The following ENAH variants were observed in gnomAD, a reference collection of about 807,000 sequenced individuals.
The protein encoded by ENAH is ENAH actin regulator, also known as protein enabled homolog.
In ENAH, 23 loss-of-function variants were observed where a neutral mutation model predicts 78.7. The observed-to-expected ratio is 0.29, with a 90% CI of 0.21 to 0.41. ENAH has a LOEUF of 0.41. Ranked by LOEUF, ENAH falls within the 10% of genes least tolerant of loss-of-function variation. The pLI is 1.00. For missense variants in ENAH, 544 were observed against 691.0 expected (o/e 0.79, Z 2.39); for synonymous variants, 226 against 241.0 (o/e 0.94, Z 0.58).
intron 2 of ENAH, among the ~76,000 whole-genome samples, chr1:225,566,974 C>T (rs758827009): frequency 1.8e-4 from 27 of 152,118 alleles, no homozygotes; most frequent in Non-Finnish European, 3.4e-4. Flanking sequence ...CCTTAATTTG[C>T]TTTAGATTTC....
intron 3 of ENAH, among the ~76,000 whole-genome samples, chr1:225,545,089 C>T (rs1403755516): frequency 6.6e-6 from 1 of 152,166 alleles, no homozygotes; most frequent in Admixed American, 6.5e-5. Context: ...CTGGCCAGCC[C>T]TCCATAATGT....
At chr1:225,533,492 AC>A (rs2096547642) in intron 3 of ENAH, among the ~76,000 whole-genome samples, 1 of 152,182 alleles carries the variant, frequency 6.6e-6, no homozygotes, top group Admixed American at 6.5e-5. Context: ...AGAGGGAAGA[AC>A]AACCAAGGTT....
At chr1:225,509,523 C>T (rs1174356254) in intron 10 of ENAH, among the ~76,000 whole-genome samples, 2 of 152,102 alleles carry the variant, frequency 1.3e-5, no homozygotes, top group Non-Finnish European at 2.9e-5. Context: ...TCAGGAGGGG[C>T]AAGGCTGGGT....
At chr1:225,635,008 C>A (rs1422612186) in intron 1 of ENAH, among the ~76,000 whole-genome samples, 2 of 152,164 alleles carry the variant, frequency 1.3e-5, no homozygotes, top group African/African-American at 4.8e-5. Context: ...GTACTGTCAC[C>A]TTAACAATAT....
At position 225,497,816 on chromosome 1, in the gene ENAH, G is replaced by A. The variant is rs771980563; in HGVS notation, c.1676-4C>T. On this transcript the variant is annotated splice_region_variant and splice_polypyrimidine_tract_variant and intron_variant, in intron 13 of 13. Coordinates refer to ENST00000366843, the MANE Select transcript of ENAH (RefSeq NM_018212.6). ...TTGCTCAGTTCCTGCCTGATTGCTG[G>A]ATGGAAAAGAACAAGTATTGAAAAT... 1 of 1,611,342 alleles carries A rather than the reference G, an allele frequency of 6.2e-7. No homozygotes were observed. Among genetic ancestry groups the A allele is most frequent in the Non-Finnish European group, 8.5e-7 (1 of 1,178,426 alleles).
At chr1:225,503,799 T>C (rs1047338491) in intron 11 of ENAH, among the ~76,000 whole-genome samples, 6 of 152,096 alleles carry the variant, frequency 3.9e-5, no homozygotes, top group Admixed American at 2.6e-4. Flanking sequence ...AAGTAAGAAT[T>C]TGGCCAGAGT....
chr1:225,638,523 A>G (rs1268855127), intron 1 of ENAH, among the ~76,000 whole-genome samples: 1 of 152,172 alleles, frequency 6.6e-6, no homozygotes, highest in Non-Finnish European at 1.5e-5. Flanking sequence ...GGTCATACCT[A>G]TGCACATTTT....
At chr1:225,593,732 C>T (rs985500476) in intron 1 of ENAH, among the ~76,000 whole-genome samples, 1 of 152,144 alleles carries the variant, frequency 6.6e-6, no homozygotes, top group African/African-American at 2.4e-5. Context: ...TTTTATCATT[C>T]GTCTTCAGCT....
rs1211546129 is a variant in ENAH, at chr1:225,535,224, TACAA to T, written c.350-4590_350-4587del. Among the ~76,000 whole-genome samples, 25 of 152,044 alleles carry T rather than the reference TACAA, an allele frequency of 1.6e-4. No homozygotes were observed. The East Asian group carries it at 3.5e-3, about 21-fold the overall frequency. On this transcript the variant is annotated intron_variant, in intron 3 of 13. Transcript: ENST00000366843. ...AACAAAATAATTAAAAACAAAAAAG[TACAA>T]ACAAACAAAAACCCCTCTCATTTGT...
chr1:225,586,462 AAAG>A (rs1356289237), intron 1 of ENAH, among the ~76,000 whole-genome samples: 4 of 152,144 alleles, frequency 2.6e-5, no homozygotes, highest in Non-Finnish European at 2.9e-5. Context: ...TCAAAAAAAT[AAAG>A]AAGAAAACAT....
In ENAH at chr1:225,521,944, C is replaced by T. The variant is rs377522771; in HGVS notation, c.435-2379G>A. 1.8e-4 allele frequency among the ~76,000 whole-genome samples: 28 copies of T among 152,064 alleles called. No homozygotes were observed. The South Asian group carries it at 4.8e-3, about 26-fold the overall frequency. On this transcript the variant is annotated intron_variant, in intron 4 of 13. Coordinates refer to ENST00000366843, the MANE Select transcript of ENAH (RefSeq NM_018212.6). ...CCGAGTAGCTGGGACTACAGGTGCC[C>T]GCCACCATGCCCGGCTAATTTTTTG...
intron 3 of ENAH, among the ~76,000 whole-genome samples, chr1:225,537,857 G>C (rs1160519231): frequency 2.0e-5 from 3 of 152,022 alleles, no homozygotes; most frequent in Non-Finnish European, 4.4e-5. Flanking sequence ...GAAACGCTGG[G>C]TAAGTTAGCA....
intron 1 of ENAH, among the ~76,000 whole-genome samples, chr1:225,629,949 T>A (rs756978070): frequency 3.7e-4 from 56 of 152,160 alleles, no homozygotes; most frequent in Non-Finnish European, 1.9e-4. Context: ...CTATTTACAT[T>A]AAATGACCAG....
chr1:225,582,073 G>A (rs962644045), intron 1 of ENAH, among the ~76,000 whole-genome samples: 1 of 152,128 alleles, frequency 6.6e-6, no homozygotes, highest in African/African-American at 2.4e-5. Context: ...ACAGGATAAT[G>A]AGGGTCGTCC....
chr1:225,544,256 A>G (rs1297505080), intron 3 of ENAH, among the ~76,000 whole-genome samples: 1 of 152,262 alleles, frequency 6.6e-6, no homozygotes, highest in Non-Finnish European at 1.5e-5. Context: ...AAGGATAAAA[A>G]TTCATGAATA....
rs562185558 is a variant in ENAH at position 225,542,759 on chromosome 1, G to A, written c.350-12121C>T. 2.0e-5 allele frequency among the ~76,000 whole-genome samples: 3 copies of A among 152,262 alleles called. No individual in the cohort carries two copies. In the East Asian group the frequency reaches 5.8e-4, roughly 29 times the overall value. ...AAGATGGCCAGGAGCAGTGGCTCATGCCTGTAATCCCAACACTTTGGGAGA... is the reference window on the plus strand; with the variant it reads ...AAGATGGCCAGGAGCAGTGGCTCATACCTGTAATCCCAACACTTTGGGAGA... On this transcript the variant is annotated intron_variant, in intron 3 of 13. Transcript: ENST00000366843.
Position 225,489,573 on chromosome 1 carries a change from G to T in ENAH, c.*8202C>A, listed in dbSNP as rs1012521261. The stretch of plus-strand genomic sequence containing the variant: ...TCCTTCTCTTCAAAGATCAAAAGAA[G>T]AATAAACCAAAAAAGATTAAAAAAA... On this transcript the variant is annotated 3_prime_UTR_variant, in exon 14 of 14. Coordinates refer to ENST00000366843, the MANE Select transcript of ENAH (RefSeq NM_018212.6). 1.3e-5 allele frequency: 2 copies of T among 151,360 alleles called. No homozygotes were observed. Among genetic ancestry groups the T allele is most frequent in the African/African-American group, 4.8e-5 (2 of 41,274 alleles). The allele number at this position is 151,360 out of a possible 1,614,324, so 9.4% of individuals were successfully genotyped here.
intron 6 of ENAH, 51 bp downstream of exon 6, chr1:225,517,145 A>T: frequency 7.0e-7 from 1 of 1,428,602 alleles, no homozygotes; most frequent in Non-Finnish European, 9.3e-7. Context: ...AGTCACTGCT[A>T]TATAACATTT....
At chr1:225,510,015 T>G (rs2096364067) in intron 10 of ENAH, among the ~76,000 whole-genome samples, 1 of 152,246 alleles carries the variant, frequency 6.6e-6, no homozygotes, top group Non-Finnish European at 1.5e-5. Context: ...CTACTTAGTA[T>G]TCAACAAGTG....
Sources: gnomAD v4.1 joint callset for allele counts (sites outside exome capture counted in the v4.1 genomes callset) on GRCh38, gnomAD v4.1.1 for gene constraint, MANE v1.5 for transcripts, NCBI Gene and HGNC (gene_info 2026-07-23, HGNC 2026-07-21) for gene names.